SNX2: variants seen among roughly 807,000 people sequenced by gnomAD.
SNX2 encodes the protein sorting nexin-2.
Under a neutral mutation model 69.9 loss-of-function variants are expected in SNX2, and 25 were observed. The ratio of observed to expected loss-of-function variants is 0.36; its 90% confidence interval spans 0.26 to 0.50. SNX2 has a LOEUF of 0.50. Among genes scored for constraint, SNX2 ranks in the 20% least tolerant of loss-of-function variants. The probability of loss-of-function intolerance (pLI) is 0.97; values close to 1 mark genes in which losing one functional copy is unlikely to be tolerated. For synonymous variants in SNX2, 229 were observed against 200.4 expected (o/e 1.14, Z -1.20); for missense variants, 551 against 613.3 (o/e 0.90, Z 1.07).
intron 2 of SNX2, among the ~76,000 whole-genome samples, chr5:122,798,794 TC>T (rs1753443467): frequency 1.3e-5 from 2 of 152,352 alleles, no homozygotes; most frequent in Non-Finnish European, 1.5e-5. Flanking sequence ...TCTTCTCAGA[TC>T]CATTTTGTAA....
intron 6 of SNX2, among the ~76,000 whole-genome samples, chr5:122,804,452 G>A (rs1413709523): frequency 6.8e-6 from 1 of 146,260 alleles, no homozygotes; most frequent in Non-Finnish European, 1.5e-5. Flanking sequence ...TGCAACCTCC[G>A]CCTCCTGGGT....
intron 1 of SNX2, among the ~76,000 whole-genome samples, chr5:122,785,489 G>T (rs369337661): frequency 3.2e-5 from 4 of 124,618 alleles, no homozygotes; most frequent in African/African-American, 1.3e-4. Context: ...TTGGATCATT[G>T]ATTTGAGACT....
intron 1 of SNX2, among the ~76,000 whole-genome samples, chr5:122,779,475 C>G (rs1182019776): frequency 1.3e-5 from 2 of 152,138 alleles, no homozygotes; most frequent in African/African-American, 4.8e-5. Context: ...AGGTCTGTAG[C>G]ACGTATCAAT....
intron 2 of SNX2, 169 bp downstream of exon 2, chr5:122,795,552 G>A: frequency 3.5e-6 from 2 of 578,952 alleles, no homozygotes; most frequent in South Asian, 4.4e-5. Context: ...TGAAAAATGT[G>A]GACTGTCCAG....
chr5:122,781,850 A>G (rs900387852), intron 1 of SNX2, among the ~76,000 whole-genome samples: 1 of 152,016 alleles, frequency 6.6e-6, no homozygotes, highest in Non-Finnish European at 1.5e-5. Flanking sequence ...TAATTTTATA[A>G]AATTTTTATT....
intron 2 of SNX2, 42 bp downstream of exon 2, chr5:122,795,425 G>A: frequency 7.8e-7 from 1 of 1,285,928 alleles, no homozygotes; most frequent in South Asian, 1.2e-5. Context: ...GTCAATTGCA[G>A]TATATTTTCT....
intron 1 of SNX2, among the ~76,000 whole-genome samples, chr5:122,787,158 G>A (rs1476154654): frequency 1.3e-5 from 2 of 152,108 alleles, no homozygotes; most frequent in African/African-American, 4.8e-5. Context: ...TTCCTATTTA[G>A]TAGGAACCTG....
chr5:122,784,462 A>G lies in SNX2; in HGVS notation c.108+9251A>G, dbSNP rs567435286. Among the ~76,000 whole-genome samples the G allele has an allele frequency of 2.0e-5, 3 of 151,934 alleles. No homozygotes were observed. In the South Asian group the frequency reaches 6.2e-4, roughly 32 times the overall value. The stretch of plus-strand genomic sequence containing the variant: ...TTTCTGCATTCATTATGATAATCAT[A>G]TAGTTTTCTTCTTTAGTTTATTGAT... On this transcript the variant is annotated intron_variant, in intron 1 of 14. Transcript: ENST00000379516.
At chr5:122,788,792 C>A (rs929769868) in intron 1 of SNX2, among the ~76,000 whole-genome samples, 5 of 151,884 alleles carry the variant, frequency 3.3e-5, no homozygotes, top group Non-Finnish European at 7.4e-5. Flanking sequence ...GCTTCTGTTT[C>A]TTTGCTGAGA....
At chr5:122,826,263 A>G (rs1754148186) in intron 12 of SNX2, 70 bp downstream of exon 12, 1 of 1,347,860 alleles carries the variant, frequency 7.4e-7, no homozygotes, top group Non-Finnish European at 9.7e-7. Context: ...ATAATTTTTC[A>G]TAATTTTTTG....
chr5:122,795,218 A>G, intron 1 of SNX2, 48 bp from the exon 2 acceptor site: 3 of 1,210,678 alleles, frequency 2.5e-6, no homozygotes, highest in East Asian at 2.3e-5. Flanking sequence ...CAGAATTACA[A>G]CAGGTAAACA....
chr5:122,806,132 A>ATGCGCG (rs1753641234), intron 6 of SNX2, among the ~76,000 whole-genome samples: 1 of 63,690 alleles, frequency 1.6e-5, no homozygotes, highest in Non-Finnish European at 3.2e-5. Flanking sequence ...ATATATATAC[A>ATGCGCG]CACGCGCGCG....
intron 10 of SNX2, among the ~76,000 whole-genome samples, 180 bp downstream of exon 10, chr5:122,817,553 A>G (rs899545845): frequency 6.6e-6 from 1 of 152,120 alleles, no homozygotes; most frequent in Non-Finnish European, 1.5e-5. Flanking sequence ...TTGCTTTACT[A>G]TCTAGTTTAG....
Position 122,802,008 on chromosome 5 carries a change from C to A in SNX2, c.457+73C>A, listed in dbSNP as rs376423993. The stretch of plus-strand genomic sequence containing the variant: ...TGGTTTTGTATGGTTTTTCTTCATA[C>A]ATCAATATAGTATTAAATGAGTTTT... On this transcript the variant is annotated intron_variant, in intron 4 of 14. Coordinates refer to ENST00000379516, the MANE Select transcript of SNX2 (RefSeq NM_003100.4). The A allele has an allele frequency of 7.2e-6, 11 of 1,519,044 alleles. No individual in the cohort carries two copies. In the Middle Eastern group the frequency reaches 6.8e-4, roughly 95 times the overall value. 94.1% of individuals were successfully genotyped at this position (1,519,044 alleles called of 1,614,324 possible).
At chr5:122,821,269 G>A (rs78031659) in intron 11 of SNX2, among the ~76,000 whole-genome samples, 2,264 of 152,240 alleles carry the variant, frequency 0.015, 22 homozygotes, top group Non-Finnish European at 0.019. Flanking sequence ...GTTCTTGTGT[G>A]TCTTTACAGA....
At chr5:122,793,551 T>C (rs1364790501) in intron 1 of SNX2, among the ~76,000 whole-genome samples, 1 of 152,198 alleles carries the variant, frequency 6.6e-6, no homozygotes, top group African/African-American at 2.4e-5. Flanking sequence ...TTTGAAACTA[T>C]CTAGCTGTAC....
Position 122,803,495 on chromosome 5 carries a change from G to A in SNX2, c.525G>A (p.Lys175=). The change falls in exon 6 of 15, where the codon AAG becomes AAA. Residue 175 remains lysine, a synonymous_variant. Transcript: ENST00000379516. Reference sequence around the variant, plus strand: ...AGACATCTCTTTCCATGTTCAGTAAGAGTGAATTTTCAGTGAAAAGAAGAT... The same window carrying A: ...AGACATCTCTTTCCATGTTCAGTAAAAGTGAATTTTCAGTGAAAAGAAGAT... The part of the protein sequence containing the change: ...TTKTSLSMFS[K]SEFSVKRRFS... 4 of 1,610,926 alleles carry A rather than the reference G, an allele frequency of 2.5e-6. No homozygotes were observed. The highest frequency in any genetic ancestry group is 3.4e-6 in the Non-Finnish European group (4 of 1,179,240).
intron 7 of SNX2, chr5:122,808,670 A>G (rs987676336): frequency 5.8e-6 from 1 of 171,156 alleles, no homozygotes; most frequent in Non-Finnish European, 1.2e-5. Context: ...ATAGAATTGT[A>G]TCATAGGTAG....
At chr5:122,789,311 G>C (rs1196202612) in intron 1 of SNX2, among the ~76,000 whole-genome samples, 2 of 152,124 alleles carry the variant, frequency 1.3e-5, no homozygotes, top group Non-Finnish European at 2.9e-5. Context: ...GTGCTGCTCA[G>C]GGTTGACCCT....
Sources: gnomAD v4.1 joint callset for allele counts (sites outside exome capture counted in the v4.1 genomes callset) on GRCh38, gnomAD v4.1.1 for gene constraint, MANE v1.5 for transcripts, NCBI Gene and HGNC (gene_info 2026-07-23, HGNC 2026-07-21) for gene names.